The following CYP27A1 variants were observed in gnomAD, a reference collection of about 807,000 sequenced individuals.
The protein encoded by CYP27A1 is cytochrome P450 family 27 subfamily A member 1.
Under a neutral mutation model 58.2 loss-of-function variants are expected in CYP27A1, and 46 were observed. That is an observed-to-expected ratio of 0.79 (90% CI 0.62 to 1.01). The LOEUF is 1.01. CYP27A1 is among the 50% of genes least tolerant of loss of function. The pLI is 0.00. For missense variants in CYP27A1, 704 were observed against 687.0 expected, an observed-to-expected ratio of 1.02 and a Z score of -0.28; for synonymous variants, 274 against 285.1, an observed-to-expected ratio of 0.96 and a Z score of 0.39.
chr2:218,814,706 C>A lies in CYP27A1; in HGVS notation c.1425C>A (p.Ala475=), dbSNP rs1008075672. 6.2e-7 allele frequency: 1 copy of A among 1,614,208 alleles called. No homozygotes were observed. The change falls in exon 8 of 9, where the codon GCC becomes GCA. Residue 475 remains alanine, a synonymous_variant. Coordinates refer to ENST00000258415, the MANE Select transcript of CYP27A1 (RefSeq NM_000784.4). ...GSVPFGYGVR[A]CLGRRIAELE... ...TGCCCTTTGGCTATGGGGTCCGGGC[C>A]TGCCTGGGCCGCAGGATTGCAGAGC...
At chr2:218,787,305 G>T (rs1392502159) in intron 1 of CYP27A1, among the ~76,000 whole-genome samples, 3 of 152,168 alleles carry the variant, frequency 2.0e-5, no homozygotes, top group African/African-American at 7.2e-5. Context: ...CCCTGATCTG[G>T]GTTGTTTGAC....
intron 1 of CYP27A1, among the ~76,000 whole-genome samples, chr2:218,801,906 G>A (rs1283687622): frequency 1.3e-5 from 2 of 151,790 alleles, no homozygotes; most frequent in African/African-American, 4.8e-5. Flanking sequence ...GGGGTCACAT[G>A]AGGAGCAGGA....
intron 1 of CYP27A1, among the ~76,000 whole-genome samples, chr2:218,802,471 C>A (rs13013663): frequency 3.4e-4 from 52 of 152,150 alleles, no homozygotes; most frequent in Non-Finnish European, 7.1e-4. Context: ...AGCTTTGATT[C>A]TCAGGATGCA....
rs1191317525 is a variant in CYP27A1, at chr2:218,782,379, T to C, written c.197T>C (p.Leu66Pro). 6.2e-7 allele frequency: 1 copy of C among 1,614,226 alleles called. No homozygotes were observed. Among genetic ancestry groups the C allele is most frequent in the Non-Finnish European group, 8.5e-7 (1 of 1,180,006 alleles). Residue 66 changes from leucine (L) to proline (P), a missense_variant, in exon 1 of 9, where the codon CTG becomes CCG. By Grantham distance (98) the Leu-to-Pro change is moderately conservative (BLOSUM62 -3). Coordinates refer to ENST00000258415, the MANE Select transcript of CYP27A1 (RefSeq NM_000784.4). This position sits in a 1 kb window ranked among gnomAD's most constrained non-coding sequence, Gnocchi z 4.1. ...SLEEIPRLGQ[L>P]RFFFQLFVQG... The stretch of plus-strand genomic sequence containing the variant: ...GAGGAGATTCCACGTCTAGGACAGC[T>C]GCGCTTCTTCTTTCAGCTGTTCGTT...
chr2:218,807,686 T>C (rs1200987601), intron 1 of CYP27A1, among the ~76,000 whole-genome samples: 1 of 151,986 alleles, frequency 6.6e-6, no homozygotes, highest in African/African-American at 2.4e-5. Context: ...GGTACAGTCA[T>C]GGCTCAATGC....
intron 1 of CYP27A1, among the ~76,000 whole-genome samples, chr2:218,796,174 C>T (rs930154534): frequency 2.0e-5 from 3 of 152,134 alleles, no homozygotes; most frequent in Admixed American, 6.5e-5. Context: ...GAGCTTGACT[C>T]CTTAAAGGGA....
chr2:218,795,687 AG>A, intron 1 of CYP27A1, among the ~76,000 whole-genome samples: 2 of 152,360 alleles, frequency 1.3e-5, no homozygotes, highest in Middle Eastern at 6.8e-3. Flanking sequence ...TCTAAAATGT[AG>A]GCAAAAACTT....
chr2:218,812,520 G>C, intron 3 of CYP27A1, 32 bp from the exon 4 acceptor site: 2 of 1,613,530 alleles, frequency 1.2e-6, no homozygotes, highest in Non-Finnish European at 1.7e-6. Context: ...TCCTGGTTCT[G>C]CCTCCTGTGA....
chr2:218,783,214 G>A lies in CYP27A1; in HGVS notation c.255+777G>A, dbSNP rs540504313. 3.1e-3 allele frequency among the ~76,000 whole-genome samples: 415 copies of A among 135,068 alleles called. 1 individual carries two copies. Among genetic ancestry groups the A allele is most frequent in the African/African-American group, 0.011 (396 of 34,602 alleles). 88.6% of individuals were successfully genotyped at this position (135,068 alleles called of 152,430 possible). On this transcript the variant is annotated intron_variant, in intron 1 of 8. Coordinates refer to ENST00000258415, the MANE Select transcript of CYP27A1 (RefSeq NM_000784.4). Reference sequence around the variant, plus strand: ...AGAGGTTGTGGTGAGCCAAGATTACGCCATTGCACTCCAGTCTGGGCAACA... The same window carrying A: ...AGAGGTTGTGGTGAGCCAAGATTACACCATTGCACTCCAGTCTGGGCAACA...
At chr2:218,809,924 C>T (rs1943695121) in intron 2 of CYP27A1, among the ~76,000 whole-genome samples, 157 bp downstream of exon 2, 1 of 152,098 alleles carries the variant, frequency 6.6e-6, no homozygotes, top group South Asian at 2.1e-4. Context: ...GTGCTGAAGC[C>T]CAGGGACCAT....
At chr2:218,788,285 G>A (rs963078063) in intron 1 of CYP27A1, among the ~76,000 whole-genome samples, 1 of 152,210 alleles carries the variant, frequency 6.6e-6, no homozygotes, top group Non-Finnish European at 1.5e-5. Context: ...CAGCATGGTG[G>A]TCTTAGAACA....
intron 1 of CYP27A1, among the ~76,000 whole-genome samples, chr2:218,790,477 A>G (rs1943481489): frequency 6.6e-6 from 1 of 152,228 alleles, no homozygotes; most frequent in Non-Finnish European, 1.5e-5. Flanking sequence ...TGCTTTAACT[A>G]AGCAGTCTCT....
At position 218,782,150 on chromosome 2, in the gene CYP27A1, C is replaced by T. The variant is rs1013824720; in HGVS notation, c.-33C>T. 7 of 1,532,530 alleles carry T rather than the reference C, an allele frequency of 4.6e-6. No homozygotes were observed. In the Admixed American group the frequency reaches 1.4e-4, roughly 30 times the overall value. 94.9% of individuals were successfully genotyped at this position (1,532,530 alleles called of 1,614,324 possible). On this transcript the variant is annotated 5_prime_UTR_variant, in exon 1 of 9. Transcript: ENST00000258415. This position sits in a 1 kb window ranked among gnomAD's most constrained non-coding sequence, Gnocchi z 4.1. Reference sequence around the variant, plus strand: ...TGGGCGGGTCCGGGGACTCAGCACTCGACCCAAAGGTGCAGGCGCGCGAGC... The same window carrying T: ...TGGGCGGGTCCGGGGACTCAGCACTTGACCCAAAGGTGCAGGCGCGCGAGC...
chr2:218,803,457 C>T (rs1295216692), intron 1 of CYP27A1, among the ~76,000 whole-genome samples: 1 of 151,820 alleles, frequency 6.6e-6, no homozygotes, highest in Admixed American at 6.6e-5. Context: ...GACCGAGTCT[C>T]GTTCTATTGC....
At chr2:218,809,858 G>T in intron 2 of CYP27A1, 91 bp downstream of exon 2, 1 of 1,206,564 alleles carries the variant, frequency 8.3e-7, no homozygotes, top group Non-Finnish European at 1.2e-6. Flanking sequence ...ATAACCGGCA[G>T]AATAGTACCC....
At chr2:218,800,688 C>T (rs1289616302) in intron 1 of CYP27A1, among the ~76,000 whole-genome samples, 2 of 152,150 alleles carry the variant, frequency 1.3e-5, no homozygotes. Context: ...ACACCCATCA[C>T]ATAGCACAAT....
intron 1 of CYP27A1, among the ~76,000 whole-genome samples, chr2:218,802,163 C>A (rs1375327099): frequency 6.6e-6 from 1 of 151,924 alleles, no homozygotes; most frequent in Non-Finnish European, 1.5e-5. Context: ...TTAGCCCGTG[C>A]GGCCTAGCCC....
intron 1 of CYP27A1, among the ~76,000 whole-genome samples, chr2:218,803,265 T>C (rs1420011924): frequency 6.6e-6 from 1 of 152,238 alleles, no homozygotes; most frequent in African/African-American, 2.4e-5. Flanking sequence ...AGCCATTCTT[T>C]GCTTATTTTT....
At chr2:218,812,863 T>C in intron 4 of CYP27A1, 61 bp from the exon 5 acceptor site, 1 of 1,611,706 alleles carries the variant, frequency 6.2e-7, no homozygotes, top group Non-Finnish European at 8.5e-7. Flanking sequence ...GGAGTGGCTC[T>C]TGGTCCTTGG....
Sources: gnomAD v4.1 joint callset for allele counts (sites outside exome capture counted in the v4.1 genomes callset) on GRCh38, gnomAD v4.1.1 for gene constraint, Gnocchi (gnomAD v3.1) non-coding constraint, MANE v1.5 for transcripts, NCBI Gene and HGNC (gene_info 2026-07-23, HGNC 2026-07-21) for gene names.